LRMDA: variants seen among roughly 807,000 people sequenced by gnomAD.
The protein encoded by LRMDA is leucine-rich melanocyte differentiation-associated protein.
Under a neutral mutation model 29.8 loss-of-function variants are expected in LRMDA, and 18 were observed. The observed-to-expected ratio is 0.60, with a 90% confidence interval of 0.42 to 0.90. The LOEUF is 0.90. Ranked by LOEUF, LRMDA falls within the 40% of genes least tolerant of loss-of-function variation. The probability of loss-of-function intolerance (pLI) is 0.00; values close to 1 mark genes in which losing one functional copy is unlikely to be tolerated. For synonymous variants in LRMDA, 125 were observed against 109.4 expected (o/e 1.14, Z -0.89); for missense variants, 273 against 273.9 (o/e 1.00, Z 0.02).
chr10:76,119,831 A>G (rs996050941), intron 5 of LRMDA, among the ~76,000 whole-genome samples: 2 of 152,120 alleles, frequency 1.3e-5, no homozygotes, highest in African/African-American at 2.4e-5. Context: ...ATGAATCTCA[A>G]TTTATGTCCA....
chr10:76,144,475 A>G (rs1423282968), intron 5 of LRMDA, among the ~76,000 whole-genome samples: 1 of 152,106 alleles, frequency 6.6e-6, no homozygotes, highest in African/African-American at 2.4e-5. Context: ...GAGTTCACTC[A>G]TGATTTGGCT....
At chr10:76,056,183 C>G (rs1848611608) in intron 4 of LRMDA, among the ~76,000 whole-genome samples, 1 of 152,116 alleles carries the variant, frequency 6.6e-6, no homozygotes, top group African/African-American at 2.4e-5. Flanking sequence ...AGAGGAGACC[C>G]AGAGTGGGTA....
chr10:76,229,716 T>C (rs563559600), intron 5 of LRMDA, among the ~76,000 whole-genome samples: 1 of 152,276 alleles, frequency 6.6e-6, no homozygotes, highest in Non-Finnish European at 1.5e-5. Context: ...AGGTATCTCT[T>C]CCGAGCCCGT....
intron 2 of LRMDA, among the ~76,000 whole-genome samples, chr10:75,664,120 G>C (rs557122168): frequency 1.3e-5 from 2 of 152,178 alleles, no homozygotes; most frequent in Non-Finnish European, 2.9e-5. Flanking sequence ...AAATGTAGCT[G>C]TTTTTATCCT....
intron 2 of LRMDA, among the ~76,000 whole-genome samples, chr10:75,661,471 A>G (rs1374250977): frequency 6.6e-6 from 1 of 152,154 alleles, no homozygotes; most frequent in Non-Finnish European, 1.5e-5. Context: ...CTAAAAAGCT[A>G]CCAAGCAATG....
At chr10:75,596,289 C>T (rs1840787107) in intron 2 of LRMDA, among the ~76,000 whole-genome samples, 1 of 152,168 alleles carries the variant, frequency 6.6e-6, no homozygotes, top group Admixed American at 6.5e-5. Flanking sequence ...ATGTCCAGTC[C>T]TGGTATCTGC....
At chr10:76,378,634 G>T (rs1461706453) in intron 6 of LRMDA, among the ~76,000 whole-genome samples, 1 of 151,974 alleles carries the variant, frequency 6.6e-6, no homozygotes, top group Non-Finnish European at 1.5e-5. Flanking sequence ...CGTCTATTGA[G>T]ATAATCATAT....
chr10:75,504,384 G>A (rs548109171), intron 2 of LRMDA, among the ~76,000 whole-genome samples: 1 of 152,284 alleles, frequency 6.6e-6, no homozygotes, highest in Non-Finnish European at 1.5e-5. Context: ...CCCTTGCTGA[G>A]CTTTCAGTTG....
chr10:76,491,008 A>G (rs961499847), intron 6 of LRMDA, among the ~76,000 whole-genome samples: 1 of 151,982 alleles, frequency 6.6e-6, no homozygotes, highest in African/African-American at 2.4e-5. Context: ...ATCATTTGAA[A>G]CTGATGACAA....
chr10:76,477,240 A>T (rs1842684067), intron 6 of LRMDA, among the ~76,000 whole-genome samples: 2 of 152,050 alleles, frequency 1.3e-5, no homozygotes, highest in Non-Finnish European at 2.9e-5. Context: ...AATCACAAGC[A>T]TTCTTATACA....
chr10:76,145,723 C>G (rs1850303536), intron 5 of LRMDA, among the ~76,000 whole-genome samples: 1 of 151,736 alleles, frequency 6.6e-6, no homozygotes, highest in Middle Eastern at 3.2e-3. Context: ...TATTTCTTGC[C>G]TTCTGCTAGC....
intron 2 of LRMDA, among the ~76,000 whole-genome samples, chr10:75,741,766 C>T (rs980788193): frequency 6.6e-6 from 1 of 152,172 alleles, no homozygotes; most frequent in African/African-American, 2.4e-5. Flanking sequence ...TGTAGAGCAC[C>T]TGCCGCACAG....
rs1409634678 is a variant in LRMDA at position 75,725,060 on chromosome 10, GATGAAT to G, written c.131+286567_131+286572del. Reference sequence around the variant, plus strand: ...AAATCGTTATTCATAAACCATATCAGATGAATTGTGAAAATGTTGGTTATCTGTACA... The same window carrying G: ...AAATCGTTATTCATAAACCATATCAGTGTGAAAATGTTGGTTATCTGTACA... On this transcript the variant is annotated intron_variant, in intron 2 of 6. Coordinates refer to ENST00000611255, the MANE Select transcript of LRMDA (RefSeq NM_001305581.2). 2.6e-5 allele frequency among the ~76,000 whole-genome samples: 4 copies of G among 152,308 alleles called. No individual in the cohort carries two copies. The East Asian group carries it at 7.7e-4, about 29-fold the overall frequency.
At chr10:75,560,293 C>A (rs1040936112) in intron 2 of LRMDA, among the ~76,000 whole-genome samples, 1 of 152,044 alleles carries the variant, frequency 6.6e-6, no homozygotes, top group Non-Finnish European at 1.5e-5. Flanking sequence ...CTCTTTGAAA[C>A]AATTGTGAAT....
chr10:75,764,752 T>C (rs1266056710), intron 2 of LRMDA, among the ~76,000 whole-genome samples: 1 of 152,202 alleles, frequency 6.6e-6, no homozygotes, highest in Non-Finnish European at 1.5e-5. Flanking sequence ...GGAAGATTTA[T>C]GAGTCATCTC....
intron 5 of LRMDA, among the ~76,000 whole-genome samples, chr10:76,267,284 T>C (rs182146242): frequency 1.3e-5 from 2 of 152,280 alleles, no homozygotes; most frequent in East Asian, 3.9e-4. Flanking sequence ...AATTCAACAA[T>C]TTTTGACATA....
chr10:75,992,467 T>C (rs532236445), intron 2 of LRMDA, among the ~76,000 whole-genome samples: 7 of 152,296 alleles, frequency 4.6e-5, no homozygotes, highest in African/African-American at 1.4e-4. Flanking sequence ...TTGGATGGAA[T>C]TGGGGAGATC....
At chr10:75,821,230 A>G (rs970957323) in intron 2 of LRMDA, among the ~76,000 whole-genome samples, 2 of 152,212 alleles carry the variant, frequency 1.3e-5, no homozygotes, top group African/African-American at 2.4e-5. Context: ...ACTACAGATC[A>G]ATATCCCAGA....
At chr10:76,531,259 G>A (rs1343300898) in intron 6 of LRMDA, among the ~76,000 whole-genome samples, 1 of 152,138 alleles carries the variant, frequency 6.6e-6, no homozygotes, top group Admixed American at 6.6e-5. Flanking sequence ...TGGATCGTTA[G>A]GATCATGCCA....
Sources: allele counts gnomAD v4.1 joint callset (sites outside exome capture counted in the v4.1 genomes callset), GRCh38; gene constraint gnomAD v4.1.1; transcripts MANE v1.5; gene names NCBI Gene and HGNC (gene_info 2026-07-23, HGNC 2026-07-21).